The following ATXN3 variants were observed in gnomAD, a reference collection of about 807,000 sequenced individuals.
ATXN3 encodes the protein ataxin 3.
ATXN3 carries 28 observed loss-of-function variants against 58.2 expected under a neutral mutation model. The ratio of observed to expected loss-of-function variants is 0.48; its 90% CI spans 0.36 to 0.66. The LOEUF is 0.66. Ranked by LOEUF, ATXN3 falls within the 30% of genes least tolerant of loss-of-function variation. The pLI, the probability that ATXN3 is intolerant of heterozygous loss-of-function variation, is 0.00. For missense variants in ATXN3, 321 were observed against 422.1 expected, an observed-to-expected ratio of 0.76 and a Z score of 2.10; for synonymous variants, 113 against 138.5, an observed-to-expected ratio of 0.82 and a Z score of 1.29.
chr14:92,071,343 C>A (rs2059414264), intron 9 of ATXN3: 2 of 507,168 alleles, frequency 3.9e-6, no homozygotes, highest in Non-Finnish European at 7.2e-6. Context: ...CACCTGTAAT[C>A]CCAGCACTTT....
chr14:92,079,898 C>G lies in ATXN3; in HGVS notation c.872+1067G>C, dbSNP rs56065184. ...GATTACAGGCACCCACCACCATGCC[C>G]GGCTAATTTTTGTATTTTTAGTAGA... is the stretch of plus-strand genomic sequence containing the variant. On this transcript the variant is annotated intron_variant, in intron 9 of 10. Transcript: ENST00000644486. Among the ~76,000 whole-genome samples the G allele has an allele frequency of 7.6e-3, 1,150 of 152,158 alleles. 18 individuals carry two copies. Among genetic ancestry groups the G allele is most frequent in the African/African-American group, 0.026 (1,078 of 41,508 alleles).
chr14:92,086,851 G>A (rs1255602769), intron 6 of ATXN3, among the ~76,000 whole-genome samples: 3 of 151,996 alleles, frequency 2.0e-5, no homozygotes, highest in Non-Finnish European at 1.5e-5. Context: ...ATATAAGAGA[G>A]TGGAGAGATG....
intron 9 of ATXN3, among the ~76,000 whole-genome samples, chr14:92,076,939 CAAAAAA>C (rs1157708694): frequency 5.0e-5 from 3 of 59,832 alleles, no homozygotes; most frequent in East Asian, 5.4e-4. Flanking sequence ...GATTTCGTCT[CAAAAAA>C]AAAAAAAAAA....
At chr14:92,053,988 T>C (rs773591039), downstream of ATXN3, among the ~76,000 whole-genome samples, 1 of 151,428 alleles carries the variant, frequency 6.6e-6, no homozygotes, top group Non-Finnish European at 1.5e-5. Context: ...CAGGCTGGAG[T>C]GCATGGCGCG....
rs1027122602 is a variant in ATXN3, at chr14:92,060,244, A to G, written c.*4076T>C. ...GTCATATATATATACATATATATATACACACATATATATATATATATATAT... is the reference window on the plus strand; with the variant it reads ...GTCATATATATATACATATATATATGCACACATATATATATATATATATAT... On this transcript the variant is annotated 3_prime_UTR_variant, in exon 11 of 11. Transcript: ENST00000644486. The G allele has an allele frequency of 1.2e-4, 13 of 107,614 alleles. No individual in the cohort carries two copies. Among genetic ancestry groups the G allele is most frequent in the African/African-American group, 5.7e-4 (13 of 22,930 alleles). 6.7% of individuals were successfully genotyped at this position (107,614 alleles called of 1,614,324 possible). A position where few individuals can be genotyped will look rare whatever the true frequency, so the allele number is the denominator to read the frequency against.
rs10150739 is a variant in ATXN3, at chr14:92,094,029, C to T, written c.235-198G>A. Among the ~76,000 whole-genome samples the T allele has an allele frequency of 3.9e-3, 593 of 151,588 alleles. 4 individuals carry two copies. The highest frequency in any genetic ancestry group is 0.014 in the African/African-American group (568 of 41,312). On this transcript the variant is annotated intron_variant, in intron 3 of 10. Coordinates refer to ENST00000644486, the MANE Select transcript of ATXN3 (RefSeq NM_004993.6). ...CACGATCTCGGCTCGCTGCAACCTC[C>T]GCCTCCCAGGTTCAAGCGATTCTCC...
chr14:92,096,703 T>C lies in ATXN3; in HGVS notation c.160A>G (p.Thr54Ala), dbSNP rs776899714. 6.2e-7 allele frequency: 1 copy of C among 1,613,910 alleles called. No individual in the cohort carries two copies. The highest frequency in any genetic ancestry group is 1.7e-5 in the Admixed American group (1 of 59,968). The change falls in exon 2 of 11, where the codon ACT becomes GCT. Residue 54 changes from threonine (T) to alanine (A), a missense_variant. This residue lies in a region of ATXN3 where 121 missense variants were observed against 198.9 expected (regional missense o/e 0.61). Coordinates refer to ENST00000644486, the MANE Select transcript of ATXN3 (RefSeq NM_004993.6). ...ERMRMAEGGV[T>A]SEDYRTFLQQ... ...AAAAACGTGCGATAATCTTCACTAG[T>C]AACTCCTCCTTCTGCCATTCTCATC...
At chr14:92,089,432 G>C (rs369674541) in intron 5 of ATXN3, among the ~76,000 whole-genome samples, 1 of 145,470 alleles carries the variant, frequency 6.9e-6, no homozygotes, top group African/African-American at 2.5e-5. Context: ...TCCGCCTCCC[G>C]GGTTCATGCC....
At chr14:92,095,907 A>G (rs1160545586) in intron 3 of ATXN3, among the ~76,000 whole-genome samples, 186 bp downstream of exon 3, 2 of 151,684 alleles carry the variant, frequency 1.3e-5, no homozygotes, top group African/African-American at 4.8e-5. Flanking sequence ...ACGCCACTGC[A>G]CTCCAGCCTA....
chr14:92,086,147 C>T (rs1408324332), intron 6 of ATXN3, among the ~76,000 whole-genome samples: 1 of 151,826 alleles, frequency 6.6e-6, no homozygotes, highest in African/African-American at 2.4e-5. Context: ...GTGACTCACG[C>T]CTGTAATCCC....
chr14:92,091,642 CAG>C (rs956623435), intron 5 of ATXN3, among the ~76,000 whole-genome samples: 9 of 151,814 alleles, frequency 5.9e-5, no homozygotes, highest in East Asian at 1.9e-4. Context: ...TTAAAAAAAA[CAG>C]ATTTATTGGG....
In ATXN3 at chr14:92,062,843, G is replaced by A. The variant is rs61988394; in HGVS notation, c.*1477C>T. ...AAAAACTTTCCCTGATAAAATGTGT[G>A]CAGCCACACACCAGGAGGGCAATAT... is the stretch of plus-strand genomic sequence containing the variant. On this transcript the variant is annotated 3_prime_UTR_variant, in exon 11 of 11. Transcript: ENST00000644486. The A allele has an allele frequency of 6.6e-6, 1 of 152,660 alleles. No homozygotes were observed. Among genetic ancestry groups the A allele is most frequent in the African/African-American group, 2.4e-5 (1 of 41,544 alleles). The allele number at this position is 152,660 out of a possible 1,614,324, so 9.5% of individuals were successfully genotyped here. A position where few individuals can be genotyped will look rare whatever the true frequency, so the allele number is the denominator to read the frequency against.
downstream of ATXN3, among the ~76,000 whole-genome samples, chr14:92,055,069 A>G (rs1159557238): frequency 6.6e-6 from 1 of 152,164 alleles, no homozygotes; most frequent in Non-Finnish European, 1.5e-5. The surrounding 1 kb of genome is among the most constrained non-coding windows in gnomAD (Gnocchi z 4.5). Flanking sequence ...TTTAGTAGAG[A>G]TGAGGTTTCA....
chr14:92,096,532 G>A (rs993159341), intron 2 of ATXN3, 142 bp downstream of exon 2: 5 of 885,362 alleles, frequency 5.6e-6, no homozygotes, highest in African/African-American at 1.7e-5. Context: ...GCTGAGGCAG[G>A]AGAATCGCTT....
At chr14:92,081,123 A>G (rs2061382948) in intron 8 of ATXN3, 62 bp from the exon 9 acceptor site, 1 of 1,118,798 alleles carries the variant, frequency 8.9e-7, no homozygotes, top group Non-Finnish European at 1.4e-6. Flanking sequence ...AAGCAACAAT[A>G]TGTTTGTTTA....
intron 2 of ATXN3, among the ~76,000 whole-genome samples, chr14:92,045,519 T>C (rs1023715984): frequency 6.6e-6 from 1 of 151,812 alleles, no homozygotes; most frequent in Non-Finnish European, 1.5e-5. Context: ...TAGAGTCAAT[T>C]TGCTAGTCCT....
intron 2 of ATXN3, among the ~76,000 whole-genome samples, chr14:92,045,171 C>T (rs888782018): frequency 6.6e-6 from 1 of 152,138 alleles, no homozygotes; most frequent in African/African-American, 2.4e-5. Flanking sequence ...AAATACTGTC[C>T]AGTCCTTTTT....
chr14:92,074,793 A>C (rs2060053488), intron 9 of ATXN3, among the ~76,000 whole-genome samples: 1 of 152,214 alleles, frequency 6.6e-6, no homozygotes, highest in Non-Finnish European at 1.5e-5. Context: ...GCAATCAAAC[A>C]CTCATAGCAA....
intron 9 of ATXN3, among the ~76,000 whole-genome samples, chr14:92,071,924 CTCTT>C (rs1317978689): frequency 6.6e-6 from 1 of 152,182 alleles, no homozygotes; most frequent in Non-Finnish European, 1.5e-5. Context: ...ATCTGGTGTT[CTCTT>C]TATTTCCCTC....
Sources: gnomAD v4.1 joint callset for allele counts (sites outside exome capture counted in the v4.1 genomes callset) on GRCh38, gnomAD v4.1.1 for gene constraint, gnomAD v4.1.1 regional missense constraint, Gnocchi (gnomAD v3.1) non-coding constraint, MANE v1.5 for transcripts, NCBI Gene and HGNC (gene_info 2026-07-23, HGNC 2026-07-21) for gene names.